Variants in GANC observed in about 807,000 individuals in gnomAD.
GANC encodes the protein neutral alpha-glucosidase C.
GANC carries 117 observed loss-of-function variants against 124.2 expected under a neutral mutation model. The observed-to-expected ratio is 0.94, with a 90% CI of 0.81 to 1.10. The LOEUF is 1.10. Ranked by LOEUF, GANC falls within the 50% of genes least tolerant of loss-of-function variation. The pLI, the probability that GANC is intolerant of heterozygous loss-of-function variation, is 0.00. For missense variants in GANC, 1,140 were observed against 1,095.0 expected, an observed-to-expected ratio of 1.04 and a Z score of -0.58; for synonymous variants, 377 against 376.8, an observed-to-expected ratio of 1.00 and a Z score of -0.01.
intron 20 of GANC, among the ~76,000 whole-genome samples, chr15:42,346,617 A>G (rs1169296514): frequency 6.6e-6 from 1 of 152,230 alleles, no homozygotes; most frequent in Non-Finnish European, 1.5e-5. Context: ...TCTTCCCCGT[A>G]TGTTTACATT....
chr15:42,346,618 T>A (rs185619076), intron 20 of GANC, among the ~76,000 whole-genome samples: 736 of 152,348 alleles, frequency 4.8e-3, no homozygotes, highest in African/African-American at 0.017. Context: ...CTTCCCCGTA[T>A]GTTTACATTT....
At chr15:42,316,018 AT>A (rs1413051733) in intron 10 of GANC, among the ~76,000 whole-genome samples, 2 of 152,038 alleles carry the variant, frequency 1.3e-5, no homozygotes, top group African/African-American at 4.8e-5. Context: ...ATATAAATAT[AT>A]TCAATATAAA....
At chr15:42,315,172 T>C (rs2052090973) in intron 10 of GANC, among the ~76,000 whole-genome samples, 2 of 152,106 alleles carry the variant, frequency 1.3e-5, no homozygotes, top group African/African-American at 4.8e-5. Context: ...GTATCTACTT[T>C]AAAAGATTGG....
In GANC at chr15:42,340,567, G is replaced by A. The variant is rs540353274; in HGVS notation, c.2088-123G>A. ...TGCAGTGAGCCAAGATAGCACCACGGCATTCCAGCCTGGGCAACAAAGTGA... is the reference window on the plus strand; with the variant it reads ...TGCAGTGAGCCAAGATAGCACCACGACATTCCAGCCTGGGCAACAAAGTGA... On this transcript the variant is annotated intron_variant, in intron 17 of 23. Coordinates refer to ENST00000318010, the MANE Select transcript of GANC (RefSeq NM_198141.3). The A allele has an allele frequency of 2.8e-3, 1,987 of 718,164 alleles. 6 individuals are homozygous for A. The highest frequency in any genetic ancestry group is 3.5e-3 in the Non-Finnish European group (1,566 of 445,176). The allele number at this position is 718,164 out of a possible 1,614,324, so 44.5% of individuals were successfully genotyped here.
intron 14 of GANC, among the ~76,000 whole-genome samples, chr15:42,330,001 A>G (rs1007350728): frequency 6.6e-6 from 1 of 152,246 alleles, no homozygotes; most frequent in African/African-American, 2.4e-5. Context: ...CGTGGCAGAC[A>G]CTTGACCTCA....
intron 1 of GANC, among the ~76,000 whole-genome samples, chr15:42,275,551 C>T (rs1400910824): frequency 6.8e-6 from 1 of 147,918 alleles, no homozygotes; most frequent in African/African-American, 2.5e-5. Context: ...CAGATGCATT[C>T]GGCCACACTA....
rs767832476 is a variant in GANC at position 42,339,695 on chromosome 15, C to G, written c.1870C>G (p.Pro624Ala). The change falls in exon 17 of 24, where the codon CCA becomes GCA. Residue 624 changes from proline to alanine, a missense_variant. By Grantham distance (27) the Pro-to-Ala change is conservative (BLOSUM62 -1). Coordinates refer to ENST00000318010, the MANE Select transcript of GANC (RefSeq NM_198141.3). ...TGACATAGGCGGGTTCATTGGGAATCCAGAGACAGAGCTGCTAGTGCGTTG... is the reference window on the plus strand; with the variant it reads ...TGACATAGGCGGGTTCATTGGGAATGCAGAGACAGAGCTGCTAGTGCGTTG... ...GADIGGFIGN[P>A]ETELLVRWYQ... The G allele has an allele frequency of 6.2e-7, 1 of 1,614,006 alleles. No homozygotes were observed. The highest frequency in any genetic ancestry group is 1.7e-5 in the Admixed American group (1 of 60,014).
rs2051608454 is a variant in GANC, at chr15:42,273,511, A to G, written c.-971A>G. 6.6e-7 allele frequency: 1 copy of G among 1,513,374 alleles called. No individual in the cohort carries two copies. The highest frequency in any genetic ancestry group is 1.3e-5 in the South Asian group (1 of 79,244). 93.7% of individuals were successfully genotyped at this position (1,513,374 alleles called of 1,614,324 possible). ...TATCCGGGTCCTGGAAACGTCGCGG[A>G]GCTTGTTTGCTGTGCGGCGTAGCGG... is the stretch of plus-strand genomic sequence containing the variant. On this transcript the variant is annotated 5_prime_UTR_variant, in exon 1 of 24. Coordinates refer to ENST00000318010, the MANE Select transcript of GANC (RefSeq NM_198141.3).
At chr15:42,342,593 G>GAAAA in intron 18 of GANC, among the ~76,000 whole-genome samples, 1 of 142,998 alleles carries the variant, frequency 7.0e-6, no homozygotes, top group African/African-American at 2.6e-5. Flanking sequence ...TGTCTCTAAG[G>GAAAA]AAAAAAAAAA....
chr15:42,345,188 C>T (rs2052354194), intron 19 of GANC, among the ~76,000 whole-genome samples: 1 of 151,234 alleles, frequency 6.6e-6, no homozygotes, highest in Non-Finnish European at 1.5e-5. Context: ...TAGATAACAA[C>T]CTTATCTTTG....
At chr15:42,314,481 G>T (rs3736097) in intron 10 of GANC, 262,663 of 278,756 alleles carry the variant, frequency 0.94, 125,437 homozygotes, top group Non-Finnish European at 1. Context: ...TGGTCCTTGG[G>T]TGGCTGTTTC....
At chr15:42,328,656 A>G (rs1442391814) in intron 13 of GANC, among the ~76,000 whole-genome samples, 1 of 152,194 alleles carries the variant, frequency 6.6e-6, no homozygotes, top group Non-Finnish European at 1.5e-5. Flanking sequence ...TTTGAAAAAT[A>G]ATAGAATGAG....
intron 7 of GANC, among the ~76,000 whole-genome samples, chr15:42,307,685 A>T (rs1021577611): frequency 1.3e-5 from 2 of 152,202 alleles, no homozygotes; most frequent in Non-Finnish European, 2.9e-5. Flanking sequence ...GTTAAAGGAA[A>T]TTTATATAAT....
chr15:42,300,044 A>G (rs1012695408), intron 6 of GANC, among the ~76,000 whole-genome samples: 3 of 152,242 alleles, frequency 2.0e-5, no homozygotes, highest in Non-Finnish European at 4.4e-5. Flanking sequence ...CATTCAGGAC[A>G]TAGGCGTGGG....
chr15:42,310,430 A>T lies in GANC; in HGVS notation c.870A>T (p.Thr290=). ...IGIFWLNASE[T]LVEINTEPAV... The stretch of plus-strand genomic sequence containing the variant: ...TTTTCTGGCTGAATGCCTCGGAAAC[A>T]CTGGTGGAGATCAATACAGAGCCTG... The change falls in exon 9 of 24, where the codon ACA becomes ACT. Residue 290 remains threonine, a synonymous_variant. Transcript: ENST00000318010. 1 of 1,613,446 alleles carries T rather than the reference A, an allele frequency of 6.2e-7. No individual in the cohort carries two copies. The highest frequency in any genetic ancestry group is 8.5e-7 in the Non-Finnish European group (1 of 1,179,672).
chr15:42,275,675 C>T (rs1025346319), intron 1 of GANC, among the ~76,000 whole-genome samples: 2 of 152,038 alleles, frequency 1.3e-5, no homozygotes. Context: ...ATATCTCATT[C>T]ATGTTTTATC....
At chr15:42,306,362 A>G (rs2051995312) in intron 6 of GANC, among the ~76,000 whole-genome samples, 184 bp from the exon 7 acceptor site, 1 of 152,236 alleles carries the variant, frequency 6.6e-6, no homozygotes, top group African/African-American at 2.4e-5. Context: ...AAAGATTATT[A>G]CTGACATGTA....
chr15:42,276,454 A>G (rs757272639), intron 2 of GANC, 44 bp downstream of exon 2: 4 of 892,804 alleles, frequency 4.5e-6, no homozygotes, highest in Admixed American at 2.1e-5. Flanking sequence ...CATCTCTGAC[A>G]GTATTTCAAA....
At chr15:42,343,393 C>A (rs185104731) in intron 19 of GANC, 41 of 489,026 alleles carry the variant, frequency 8.4e-5, no homozygotes, top group African/African-American at 7.8e-5. Context: ...TTTTAGTCTT[C>A]ACACTTTGAC....
Sources: gnomAD v4.1 joint callset for allele counts (sites outside exome capture counted in the v4.1 genomes callset) on GRCh38, gnomAD v4.1.1 for gene constraint, MANE v1.5 for transcripts, NCBI Gene and HGNC (gene_info 2026-07-23, HGNC 2026-07-21) for gene names.